The following CHMP7 variants were observed in gnomAD, a reference collection of about 807,000 sequenced individuals.
CHMP7 encodes the protein charged multivesicular body protein 7.
A neutral mutation model predicts 53.7 loss-of-function variants in CHMP7; 15 were observed. The ratio of observed to expected loss-of-function variants is 0.28; its 90% confidence interval spans 0.19 to 0.43. The LOEUF (loss-of-function observed/expected upper bound fraction) is 0.43. Ranked by LOEUF, CHMP7 falls within the 20% of genes least tolerant of loss-of-function variation. The probability of loss-of-function intolerance (pLI) is 1.00; values close to 1 mark genes in which losing one functional copy is unlikely to be tolerated. For missense variants in CHMP7, 527 were observed against 569.4 expected, an observed-to-expected ratio of 0.93 and a Z score of 0.76; for synonymous variants, 261 against 228.0, an observed-to-expected ratio of 1.14 and a Z score of -1.30.
At chr8:23,257,025 C>T (rs1450876134) in intron 5 of CHMP7, among the ~76,000 whole-genome samples, 1 of 151,476 alleles carries the variant, frequency 6.6e-6, no homozygotes, top group Non-Finnish European at 1.5e-5. Context: ...ATCTCCTGAC[C>T]TCGTGATCCG....
At chr8:23,257,136 T>C (rs373864996) in intron 5 of CHMP7, among the ~76,000 whole-genome samples, 100 of 144,642 alleles carry the variant, frequency 6.9e-4, no homozygotes, top group African/African-American at 2.5e-3. Flanking sequence ...TCTTGCACTG[T>C]CCCCTAGGCT....
At position 23,246,812 on chromosome 8, in the gene CHMP7, G is replaced by C; in HGVS notation, c.117G>C (p.Lys39Asn). 1 of 1,595,732 alleles carries C rather than the reference G, an allele frequency of 6.3e-7. No individual in the cohort carries two copies. The highest frequency in any genetic ancestry group is 8.5e-7 in the Non-Finnish European group (1 of 1,171,556). Reference sequence around the variant, plus strand: ...TGTCCTTCCTGTTCTCCGCTTTCAAGAGGAGTCGCGAGGTGAACAGCACCG... The same window carrying C: ...TGTCCTTCCTGTTCTCCGCTTTCAACAGGAGTCGCGAGGTGAACAGCACCG... ...ERMSFLFSAF[K>N]RSREVNSTDW... is the part of the protein sequence containing the mutation. The change falls in exon 2 of 11, where the codon AAG becomes AAC. Residue 39 changes from lysine to asparagine, a missense_variant. Coordinates refer to ENST00000397677, the MANE Select transcript of CHMP7 (RefSeq NM_152272.5).
At chr8:23,249,174 A>G (rs759970230) in intron 2 of CHMP7, 36 bp from the exon 3 acceptor site, 2 of 1,516,234 alleles carry the variant, frequency 1.3e-6, no homozygotes. Context: ...CATTGCATTA[A>G]GTGCTACTAC....
rs916345982 is a variant in CHMP7 at position 23,243,864 on chromosome 8, T to C, written c.-441+20T>C. 1 of 152,302 alleles carries C rather than the reference T, an allele frequency of 6.6e-6. No individual in the cohort carries two copies. The highest frequency in any genetic ancestry group is 1.5e-5 in the Non-Finnish European group (1 of 68,090). 9.4% of individuals were successfully genotyped at this position (152,302 alleles called of 1,614,324 possible). On this transcript the variant is annotated intron_variant, in intron 1 of 10. Transcript: ENST00000397677. The stretch of plus-strand genomic sequence containing the variant: ...TAATAGGTGTGTAGTAGTATGCTAT[T>C]CTTGTCTAATTTGCTGTTCCCCAAT...
intron 2 of CHMP7, 74 bp from the exon 3 acceptor site, chr8:23,249,136 A>C: frequency 7.7e-7 from 1 of 1,295,774 alleles, no homozygotes; most frequent in Non-Finnish European, 1.1e-6. Context: ...CTTTTAGGGT[A>C]AAGGGGGAGC....
intron 2 of CHMP7, chr8:23,248,049 C>T (rs544128780): frequency 1.1e-5 from 5 of 456,038 alleles, no homozygotes; most frequent in South Asian, 6.2e-5. Context: ...TGCACTCAAG[C>T]GATCCTCCCA....
chr8:23,251,445 T>C lies in CHMP7; in HGVS notation c.471+2064T>C, dbSNP rs1193816527. ...GATTTATGTTTCCTTAATGGCTTTGTCAACTCTAGTTCTTCCTGAAAATCT... is the reference window on the plus strand; with the variant it reads ...GATTTATGTTTCCTTAATGGCTTTGCCAACTCTAGTTCTTCCTGAAAATCT... On this transcript the variant is annotated intron_variant, in intron 3 of 10. Transcript: ENST00000397677. 2.0e-5 allele frequency among the ~76,000 whole-genome samples: 3 copies of C among 152,340 alleles called. No individual in the cohort carries two copies. The East Asian group carries it at 5.8e-4, about 29-fold the overall frequency.
chr8:23,246,145 A>T (rs12542630), intron 1 of CHMP7, 111 bp from the exon 2 acceptor site: 51,017 of 152,046 alleles, frequency 0.34, 9,650 homozygotes, highest in South Asian at 0.49. Context: ...GTTTAATTTG[A>T]TCTTAATTTG....
chr8:23,259,299 G>T (rs2128860613), intron 9 of CHMP7, among the ~76,000 whole-genome samples, 173 bp downstream of exon 9: 1 of 147,854 alleles, frequency 6.8e-6, no homozygotes, highest in East Asian at 2.0e-4. Flanking sequence ...CTCCCAAGTA[G>T]CTGGGACTAC....
chr8:23,243,958 T>C (rs1801605085), intron 1 of CHMP7, 114 bp downstream of exon 1: 1 of 152,196 alleles, frequency 6.6e-6, no homozygotes, highest in African/African-American at 2.4e-5. Context: ...GTGAGAGGTC[T>C]GCTCAGATCT....
chr8:23,257,977 G>A, intron 5 of CHMP7, 56 bp from the exon 6 acceptor site: 1 of 1,273,828 alleles, frequency 7.9e-7, no homozygotes, highest in Non-Finnish European at 1.1e-6. Flanking sequence ...GACCCTTTGG[G>A]ACCCTGCCAC....
In CHMP7 at chr8:23,246,919, G is replaced by A; in HGVS notation, c.224G>A (p.Arg75Gln). The A allele has an allele frequency of 1.3e-6, 2 of 1,568,920 alleles. No homozygotes were observed. Among genetic ancestry groups the A allele is most frequent in the Admixed American group, 1.9e-5 (1 of 53,038 alleles). Reference sequence around the variant, plus strand: ...CAGGGGGTGGTGCGCCTGCGTCTGCGGGACTTGCAGGAGGCCTTTCAGCGC... The same window carrying A: ...CAGGGGGTGGTGCGCCTGCGTCTGCAGGACTTGCAGGAGGCCTTTCAGCGC... ...RRQGVVRLRL[R>Q]DLQEAFQRKG... is the part of the protein sequence containing the mutation. The change falls in exon 2 of 11, where the codon CGG (arginine) becomes CAG (glutamine). Residue 75 changes from arginine to glutamine, a missense_variant. Arg to Gln is a conservative substitution (Grantham distance 43). Coordinates refer to ENST00000397677, the MANE Select transcript of CHMP7 (RefSeq NM_152272.5).
intron 8 of CHMP7, 114 bp from the exon 9 acceptor site, chr8:23,258,952 C>A: frequency 9.5e-7 from 1 of 1,053,864 alleles, no homozygotes; most frequent in Non-Finnish European, 1.5e-6. Context: ...AGGAAGCTTT[C>A]CTTGATTCTC....
In CHMP7 at chr8:23,246,648, G is replaced by C. The variant is rs1388624770; in HGVS notation, c.-48G>C. 6.6e-7 allele frequency: 1 copy of C among 1,504,544 alleles called. No individual in the cohort carries two copies. The highest frequency in any genetic ancestry group is 2.5e-5 in the East Asian group (1 of 40,496). The allele number at this position is 1,504,544 out of a possible 1,614,324, so 93.2% of individuals were successfully genotyped here. A position where few individuals can be genotyped will look rare whatever the true frequency, so the allele number is the denominator to read the frequency against. On this transcript the variant is annotated 5_prime_UTR_variant, in exon 2 of 11. Coordinates refer to ENST00000397677, the MANE Select transcript of CHMP7 (RefSeq NM_152272.5). ...CCGGGAGGGAACGAGGGCGGAAGCG[G>C]ACCAGGGCCAGGCTTGTGTTCGCAG...
At chr8:23,259,492 C>T (rs1193124405) in intron 9 of CHMP7, among the ~76,000 whole-genome samples, 1 of 151,996 alleles carries the variant, frequency 6.6e-6, no homozygotes, top group African/African-American at 2.4e-5. Context: ...TCCTGAGTAG[C>T]TGGGATTATA....
chr8:23,246,666 G>A lies in CHMP7; in HGVS notation c.-30G>A. On this transcript the variant is annotated 5_prime_UTR_variant, in exon 2 of 11. Coordinates refer to ENST00000397677, the MANE Select transcript of CHMP7 (RefSeq NM_152272.5). ...GGAAGCGGACCAGGGCCAGGCTTGT[G>A]TTCGCAGCCTTGCCGGGGCTGGGGT... The A allele has an allele frequency of 6.5e-7, 1 of 1,538,658 alleles. No homozygotes were observed. The highest frequency in any genetic ancestry group is 8.8e-7 in the Non-Finnish European group (1 of 1,140,444).
intron 5 of CHMP7, 97 bp downstream of exon 5, chr8:23,256,690 G>GTT (rs67393714): frequency 0.062 from 35,992 of 580,584 alleles, 292 homozygotes; most frequent in South Asian, 0.088. Flanking sequence ...AAATAGGTGG[G>GTT]TTTTTTTTTT....
intron 4 of CHMP7, among the ~76,000 whole-genome samples, chr8:23,255,882 C>T (rs933838542): frequency 1.3e-5 from 2 of 152,044 alleles, no homozygotes; most frequent in Non-Finnish European, 2.9e-5. Context: ...CTGCCTCAGC[C>T]TCCCAAGTAG....
At position 23,260,250 on chromosome 8, in the gene CHMP7, C is replaced by T; in HGVS notation, c.1227C>T (p.Asn409=). The T allele has an allele frequency of 1.2e-6, 2 of 1,614,194 alleles. No individual in the cohort carries two copies. Among genetic ancestry groups the T allele is most frequent in the Non-Finnish European group, 1.7e-6 (2 of 1,180,024 alleles). Residue 409 remains asparagine, a synonymous_variant, in exon 10 of 11, where the codon AAC becomes AAT. Transcript: ENST00000397677. ...ACCCCCGCAATAGGCATTTTACCAA[C>T]AGCGTGCCTAACCCTAGGATCTCAG... The part of the protein sequence containing the change: ...PDNPRNRHFT[N]SVPNPRISDA...
Sources: gnomAD v4.1 joint callset for allele counts (sites outside exome capture counted in the v4.1 genomes callset) on GRCh38, gnomAD v4.1.1 for gene constraint, MANE v1.5 for transcripts, NCBI Gene and HGNC (gene_info 2026-07-23, HGNC 2026-07-21) for gene names.